The following ZFPM2 variants were observed in gnomAD, a reference collection of about 807,000 sequenced individuals.
ZFPM2 encodes the protein zinc finger protein ZFPM2.
In ZFPM2, 20 loss-of-function variants were observed where a neutral mutation model predicts 98.6. That is an observed-to-expected ratio of 0.20 (90% CI 0.14 to 0.29). The LOEUF is 0.29. Ranked by LOEUF, ZFPM2 falls within the 10% of genes least tolerant of loss-of-function variation. ZFPM2 has a pLI of 1.00. For synonymous variants in ZFPM2, 518 were observed against 502.7 expected (o/e 1.03, Z -0.41); for missense variants, 1,310 against 1,388.6 (o/e 0.94, Z 0.90).
chr8:105,488,527 T>C (rs1195656673), intron 3 of ZFPM2, among the ~76,000 whole-genome samples: 2 of 152,096 alleles, frequency 1.3e-5, no homozygotes, highest in African/African-American at 4.8e-5. Context: ...TTTGGGAGGC[T>C]GAGGCAGGTG....
At chr8:105,611,998 C>T (rs1033420910) in intron 4 of ZFPM2, among the ~76,000 whole-genome samples, 1 of 152,100 alleles carries the variant, frequency 6.6e-6, no homozygotes, top group African/African-American at 2.4e-5. Flanking sequence ...CACGCCCAGT[C>T]TGACCCTTAT....
intron 5 of ZFPM2, among the ~76,000 whole-genome samples, chr8:105,785,694 G>A (rs7820748): frequency 0.092 from 13,938 of 151,990 alleles, 2,108 homozygotes; most frequent in African/African-American, 0.31. Context: ...GCTTGAGCCC[G>A]GGAGTTCTAG....
intron 1 of ZFPM2, among the ~76,000 whole-genome samples, chr8:105,355,580 A>G (rs1187624575): frequency 6.6e-6 from 1 of 152,172 alleles, no homozygotes; most frequent in Non-Finnish European, 1.5e-5. Flanking sequence ...ATCGGAGAGT[A>G]CTTAAAATTT....
At chr8:105,602,296 G>GA (rs997973491) in intron 4 of ZFPM2, among the ~76,000 whole-genome samples, 2 of 151,750 alleles carry the variant, frequency 1.3e-5, no homozygotes, top group South Asian at 2.1e-4. Context: ...AAAGCCTCAT[G>GA]AAAAAAAAGG....
chr8:105,732,732 A>G (rs1402419566), intron 5 of ZFPM2, among the ~76,000 whole-genome samples: 1 of 151,812 alleles, frequency 6.6e-6, no homozygotes, highest in Non-Finnish European at 1.5e-5. Flanking sequence ...GGGAGGTCTG[A>G]CTAAGCTACT....
At chr8:105,449,585 G>A (rs1374133265) in intron 3 of ZFPM2, among the ~76,000 whole-genome samples, 1 of 151,904 alleles carries the variant, frequency 6.6e-6, no homozygotes, top group Admixed American at 6.6e-5. Context: ...ACGCTGATAA[G>A]TCAGAGTATC....
intron 5 of ZFPM2, among the ~76,000 whole-genome samples, chr8:105,654,375 A>G (rs1817243107): frequency 6.6e-6 from 1 of 152,136 alleles, no homozygotes; most frequent in African/African-American, 2.4e-5. Flanking sequence ...AACGGACAGG[A>G]GTCTATTAAA....
chr8:105,494,867 G>A (rs1813429336), intron 3 of ZFPM2, among the ~76,000 whole-genome samples: 1 of 152,134 alleles, frequency 6.6e-6, no homozygotes, highest in Non-Finnish European at 1.5e-5. Context: ...AGGATACCAT[G>A]TTGGTTCTTA....
At chr8:105,794,029 C>T (rs185540956) in intron 6 of ZFPM2, among the ~76,000 whole-genome samples, 1 of 152,248 alleles carries the variant, frequency 6.6e-6, no homozygotes, top group Admixed American at 6.5e-5. Context: ...TTAATTTCCT[C>T]CTGTAGCTCG....
At chr8:105,786,327 A>G (rs1441158300) in intron 5 of ZFPM2, among the ~76,000 whole-genome samples, 2 of 152,194 alleles carry the variant, frequency 1.3e-5, no homozygotes, top group African/African-American at 4.8e-5. Flanking sequence ...GCATGAAGGA[A>G]TGACACTCTT....
chr8:105,509,099 A>C (rs1238404572), intron 3 of ZFPM2, among the ~76,000 whole-genome samples: 1 of 152,170 alleles, frequency 6.6e-6, no homozygotes, highest in East Asian at 1.9e-4. Context: ...AATTGATAGG[A>C]GATTTTACAG....
chr8:105,753,375 A>G (rs1333904943), intron 5 of ZFPM2, among the ~76,000 whole-genome samples: 1 of 152,132 alleles, frequency 6.6e-6, no homozygotes, highest in Non-Finnish European at 1.5e-5. Flanking sequence ...GGCCTCAGGC[A>G]GTTCACACAC....
intron 3 of ZFPM2, among the ~76,000 whole-genome samples, chr8:105,514,667 T>A (rs1223913436): frequency 2.0e-5 from 3 of 152,178 alleles, no homozygotes; most frequent in African/African-American, 7.2e-5. Context: ...AGGCCAATTA[T>A]CAGCTACCCA....
intron 1 of ZFPM2, among the ~76,000 whole-genome samples, chr8:105,325,873 A>G (rs1171301837): frequency 6.6e-6 from 1 of 151,852 alleles, no homozygotes; most frequent in Non-Finnish European, 1.5e-5. Flanking sequence ...TTTAAAATGA[A>G]TATGTGATTA....
At chr8:105,482,081 C>A (rs1813131327) in intron 3 of ZFPM2, among the ~76,000 whole-genome samples, 1 of 152,186 alleles carries the variant, frequency 6.6e-6, no homozygotes, top group Non-Finnish European at 1.5e-5. Context: ...CCAATTATGG[C>A]AAAAGGTATG....
intron 1 of ZFPM2, among the ~76,000 whole-genome samples, chr8:105,372,106 G>A (rs1031284409): frequency 6.6e-6 from 1 of 151,752 alleles, no homozygotes; most frequent in Non-Finnish European, 1.5e-5. Flanking sequence ...GCAGTGGCGT[G>A]ATCTCGGCTC....
chr8:105,432,761 T>C (rs1292396687), intron 2 of ZFPM2, among the ~76,000 whole-genome samples: 2 of 152,216 alleles, frequency 1.3e-5, no homozygotes, highest in Admixed American at 6.5e-5. Flanking sequence ...ATAAAAATTA[T>C]TTAAATATAA....
intron 5 of ZFPM2, among the ~76,000 whole-genome samples, chr8:105,722,232 TA>T (rs1811685036): frequency 6.6e-6 from 1 of 151,840 alleles, no homozygotes; most frequent in South Asian, 2.1e-4. Flanking sequence ...TTCCTGCTTA[TA>T]AAGAATAACT....
At position 105,345,509 on chromosome 8, in the gene ZFPM2, G is replaced by A. The variant is rs111901197; in HGVS notation, c.40+26528G>A. Among the ~76,000 whole-genome samples, 52 of 139,250 alleles carry A rather than the reference G, an allele frequency of 3.7e-4. 1 individual carries two copies. The highest frequency in any genetic ancestry group is 1.4e-3 in the African/African-American group (52 of 38,042). 91.4% of individuals were successfully genotyped at this position (139,250 alleles called of 152,430 possible). A position where few individuals can be genotyped will look rare whatever the true frequency, so the allele number is the denominator to read the frequency against. Reference sequence around the variant, plus strand: ...GTGTGCCATGATTGTGATTTCCCTTGCACAGCAGCATCATTTCTACCATCA... The same window carrying A: ...GTGTGCCATGATTGTGATTTCCCTTACACAGCAGCATCATTTCTACCATCA... On this transcript the variant is annotated intron_variant, in intron 1 of 7. Transcript: ENST00000407775.
Sources: allele counts gnomAD v4.1 joint callset (sites outside exome capture counted in the v4.1 genomes callset), GRCh38; gene constraint gnomAD v4.1.1; transcripts MANE v1.5; gene names NCBI Gene and HGNC (gene_info 2026-07-23, HGNC 2026-07-21).